ATF7: variants seen among roughly 807,000 people sequenced by gnomAD.
ATF7 encodes cyclic AMP-dependent transcription factor ATF-7.
Under a neutral mutation model 50.4 loss-of-function variants are expected in ATF7, and 10 were observed. That is an observed-to-expected ratio of 0.20 (90% CI 0.12 to 0.34). The LOEUF (loss-of-function observed/expected upper bound fraction) is 0.34. ATF7 is among the 10% of genes least tolerant of loss of function. ATF7 has a pLI of 1.00. For missense variants in ATF7, 465 were observed against 613.9 expected (o/e 0.76, Z 2.56); for synonymous variants, 201 against 226.4 (o/e 0.89, Z 1.01).
intron 2 of ATF7, among the ~76,000 whole-genome samples, chr12:53,595,985 C>T (rs917857486): frequency 6.6e-6 from 1 of 152,028 alleles, no homozygotes; most frequent in African/African-American, 2.4e-5. Context: ...GAGAAATAAT[C>T]GAAGGATTTT....
At chr12:53,616,675 G>A (rs1944132737) in intron 1 of ATF7, among the ~76,000 whole-genome samples, 1 of 152,050 alleles carries the variant, frequency 6.6e-6, no homozygotes, top group Admixed American at 6.6e-5. Context: ...GGGTGCGGTG[G>A]CTCATTCCTG....
intron 2 of ATF7, among the ~76,000 whole-genome samples, chr12:53,582,845 A>C (rs1942503392): frequency 6.6e-6 from 1 of 152,112 alleles, no homozygotes; most frequent in African/African-American, 2.4e-5. Flanking sequence ...CGGCCTCCCA[A>C]AGTGCTGGGA....
At chr12:53,542,834 A>G in intron 4 of ATF7, 1 of 714,332 alleles carries the variant, frequency 1.4e-6, no homozygotes, top group Non-Finnish European at 1.7e-6. Context: ...AATGCTTTGA[A>G]TAATAGTAGA....
At position 53,543,360 on chromosome 12, in the gene ATF7, G is replaced by T. The variant is rs770845683; in HGVS notation, c.234C>A (p.Phe78Leu). 5.8e-5 allele frequency: 92 copies of T among 1,596,042 alleles called. No individual in the cohort carries two copies. The South Asian group carries it at 9.8e-4, about 17-fold the overall frequency. ...TCTCATCCTCATCTGCAGCTTTCTT[G>T]AATTCATGTTCAAAGGAGCTAGCTA... The part of the protein sequence containing the change: ...NELASSFEHE[F>L]KKAADEDEKK... The change falls in exon 4 of 12, where the codon TTC becomes TTA. Residue 78 changes from phenylalanine to leucine, a missense_variant. Coordinates refer to ENST00000420353, the MANE Select transcript of ATF7 (RefSeq NM_006856.3).
intron 2 of ATF7, among the ~76,000 whole-genome samples, chr12:53,576,804 C>T (rs544003192): frequency 7.2e-5 from 11 of 152,256 alleles, no homozygotes; most frequent in African/African-American, 1.4e-4. Flanking sequence ...ACTGTAACCC[C>T]GGCATTTTGG....
chr12:53,587,366 C>CAAA lies in ATF7; in HGVS notation c.48+13584_48+13586dup, dbSNP rs55904354. Among the ~76,000 whole-genome samples, 361 of 62,296 alleles carry CAAA rather than the reference C, an allele frequency of 5.8e-3. 17 individuals carry two copies. The highest frequency in any genetic ancestry group is 0.01 in the African/African-American group (188 of 18,352). 40.9% of individuals were successfully genotyped at this position (62,296 alleles called of 152,430 possible). ...TGGGTGACAGAGCGAAATTCCGCAT[C>CAAA]AAAAAAAAAAAAAAAAAGAAGGAAA... On this transcript the variant is annotated intron_variant, in intron 2 of 11. Coordinates refer to ENST00000420353, the MANE Select transcript of ATF7 (RefSeq NM_006856.3).
chr12:53,612,869 T>C (rs1943954752), intron 1 of ATF7, among the ~76,000 whole-genome samples: 1 of 152,090 alleles, frequency 6.6e-6, no homozygotes, highest in African/African-American at 2.4e-5. Context: ...TTGGGCATGG[T>C]AGCGCGCACC....
At chr12:53,522,174 G>C (rs968903724) in intron 11 of ATF7, among the ~76,000 whole-genome samples, 3 of 152,208 alleles carry the variant, frequency 2.0e-5, no homozygotes, top group African/African-American at 7.2e-5. Context: ...ACCAACGTCA[G>C]CCTATCATTA....
chr12:53,623,655 T>C (rs1001632425), intron 1 of ATF7, among the ~76,000 whole-genome samples: 12 of 152,190 alleles, frequency 7.9e-5, no homozygotes, highest in Non-Finnish European at 1.8e-4. Context: ...AGAAGGCTCC[T>C]CCTTATCAGA....
chr12:53,620,382 C>G (rs1944326389), intron 1 of ATF7, among the ~76,000 whole-genome samples: 1 of 151,544 alleles, frequency 6.6e-6, no homozygotes, highest in African/African-American at 2.4e-5. Flanking sequence ...CGAGACCATC[C>G]TGGCTAAAAC....
chr12:53,615,477 A>G (rs1162875025), intron 1 of ATF7, among the ~76,000 whole-genome samples: 1 of 152,242 alleles, frequency 6.6e-6, no homozygotes, highest in Non-Finnish European at 1.5e-5. Context: ...ACAAGGTGTT[A>G]TTCAAGTTTG....
intron 3 of ATF7, among the ~76,000 whole-genome samples, chr12:53,550,756 T>C (rs1247911816): frequency 1.3e-5 from 2 of 152,206 alleles, no homozygotes; most frequent in Non-Finnish European, 2.9e-5. Context: ...CACCAGGTCT[T>C]AACTGGAGAT....
intron 2 of ATF7, among the ~76,000 whole-genome samples, chr12:53,586,008 A>G (rs1334327463): frequency 1.3e-5 from 2 of 152,228 alleles, no homozygotes; most frequent in Non-Finnish European, 2.9e-5. Flanking sequence ...CAATCTCCTC[A>G]TCTGGGCAGT....
chr12:53,572,441 A>T (rs181896245), intron 2 of ATF7, among the ~76,000 whole-genome samples: 14 of 152,310 alleles, frequency 9.2e-5, no homozygotes, highest in African/African-American at 3.4e-4. Flanking sequence ...GAGAGTTAAA[A>T]ATGCCAGGGA....
In ATF7 at chr12:53,516,704, C is replaced by T. The variant is rs1406030944; in HGVS notation, c.*433G>A. On this transcript the variant is annotated 3_prime_UTR_variant, in exon 12 of 12. Coordinates refer to ENST00000420353, the MANE Select transcript of ATF7 (RefSeq NM_006856.3). ...GGTAATATGTCATCAAATCTAGCCT[C>T]CCTCTATCTGGCAGGAAGTGGCATG... is the stretch of plus-strand genomic sequence containing the variant. The T allele has an allele frequency of 1.1e-5, 2 of 188,450 alleles. No individual in the cohort carries two copies. Among genetic ancestry groups the T allele is most frequent in the East Asian group, 1.2e-4 (1 of 8,208 alleles). The allele number at this position is 188,450 out of a possible 1,614,324, so 11.7% of individuals were successfully genotyped here. A position where few individuals can be genotyped will look rare whatever the true frequency, so the allele number is the denominator to read the frequency against.
chr12:53,547,881 T>A (rs950088310), intron 3 of ATF7, among the ~76,000 whole-genome samples: 4 of 151,786 alleles, frequency 2.6e-5, no homozygotes, highest in African/African-American at 9.7e-5. Flanking sequence ...TGTATGTATG[T>A]ATTTTTAAAT....
intron 2 of ATF7, among the ~76,000 whole-genome samples, chr12:53,595,548 G>A (rs1943118126): frequency 6.6e-6 from 1 of 152,166 alleles, no homozygotes; most frequent in Non-Finnish European, 1.5e-5. Flanking sequence ...CAGCATGCCA[G>A]CATTTAACCA....
intron 2 of ATF7, among the ~76,000 whole-genome samples, chr12:53,580,075 C>T (rs533513349): frequency 2.6e-5 from 4 of 151,932 alleles, no homozygotes; most frequent in East Asian, 2.0e-4. Context: ...AGACTACAAG[C>T]GCACACTGCC....
chr12:53,561,239 C>T (rs749741283), intron 2 of ATF7, among the ~76,000 whole-genome samples: 2 of 148,604 alleles, frequency 1.3e-5, no homozygotes, highest in South Asian at 2.1e-4. Flanking sequence ...TACTTGGGGG[C>T]GTATTTTGAT....
Sources: gnomAD v4.1 joint callset for allele counts (sites outside exome capture counted in the v4.1 genomes callset) on GRCh38, gnomAD v4.1.1 for gene constraint, MANE v1.5 for transcripts, NCBI Gene and HGNC (gene_info 2026-07-23, HGNC 2026-07-21) for gene names.